Variants in GRB10 observed in about 807,000 individuals in gnomAD.
The protein encoded by GRB10 is growth factor receptor bound protein 10, also known as growth factor receptor-bound protein 10.
A neutral mutation model predicts 80.9 loss-of-function variants in GRB10; 20 were observed. The observed-to-expected ratio is 0.25, with a 90% CI of 0.17 to 0.36. The LOEUF (loss-of-function observed/expected upper bound fraction) is 0.36. GRB10 is among the 10% of genes least tolerant of loss of function. The pLI is 1.00. For missense variants in GRB10, 548 were observed against 747.7 expected, an observed-to-expected ratio of 0.73 and a Z score of 3.12; for synonymous variants, 291 against 291.5, an observed-to-expected ratio of 1.00 and a Z score of 0.02.
intron 6 of GRB10, among the ~76,000 whole-genome samples, chr7:50,672,041 G>A (rs73116829): frequency 0.075 from 11,362 of 152,268 alleles, 694 homozygotes; most frequent in South Asian, 0.12. Context: ...GAACACATGC[G>A]TGGCCCTTGC....
intron 2 of GRB10, chr7:50,779,586 A>C (rs1440595275): frequency 2.6e-5 from 4 of 152,172 alleles, no homozygotes; most frequent in Non-Finnish European, 5.9e-5. Context: ...CTGGCTCCTC[A>C]AACACCTGTT....
intron 7 of GRB10, among the ~76,000 whole-genome samples, chr7:50,636,689 G>A (rs2055100011): frequency 6.6e-6 from 1 of 151,830 alleles, no homozygotes; most frequent in Admixed American, 6.6e-5. Context: ...ACCCCTTCAT[G>A]AAAAAAACCC....
At chr7:50,687,786 T>C (rs1171694101) in intron 5 of GRB10, among the ~76,000 whole-genome samples, 2 of 152,174 alleles carry the variant, frequency 1.3e-5, no homozygotes, top group Non-Finnish European at 2.9e-5. Context: ...AGTTGGTGCT[T>C]GGTGGGATGC....
intron 4 of GRB10, among the ~76,000 whole-genome samples, chr7:50,713,223 A>T (rs1295761101): frequency 6.6e-6 from 1 of 152,164 alleles, no homozygotes; most frequent in Admixed American, 6.5e-5. Flanking sequence ...AGCACGGCTC[A>T]GTAAATCTCA....
At chr7:50,672,227 G>A (rs950573294) in intron 6 of GRB10, among the ~76,000 whole-genome samples, 6 of 152,154 alleles carry the variant, frequency 3.9e-5, no homozygotes, top group Non-Finnish European at 8.8e-5. Context: ...CGTGGACCAT[G>A]CTCCGTGACC....
chr7:50,605,299 G>A lies in GRB10; in HGVS notation c.1380C>T (p.His460=), dbSNP rs769317321. ...EAQSAALEEG[H]AWRKRSTRMN... ...AGGGCCGGGGCCTTACCCTCCAGGCGTGGCCCTCCTCCAGGGCTGCGCTCT... is the reference window on the plus strand; with the variant it reads ...AGGGCCGGGGCCTTACCCTCCAGGCATGGCCCTCCTCCAGGGCTGCGCTCT... The change falls in exon 15 of 19, where the codon CAC becomes CAT. Residue 460 remains histidine (H), a synonymous_variant. Coordinates refer to ENST00000401949, the MANE Select transcript of GRB10 (RefSeq NM_001350814.2). 1.2e-5 allele frequency: 19 copies of A among 1,612,114 alleles called. No individual in the cohort carries two copies. The highest frequency in any genetic ancestry group is 5.5e-5 in the South Asian group (5 of 91,068).
intron 5 of GRB10, among the ~76,000 whole-genome samples, chr7:50,675,833 G>A (rs73116898): frequency 0.096 from 14,607 of 152,162 alleles, 895 homozygotes; most frequent in South Asian, 0.12. Context: ...GGGGTGGGAC[G>A]GGGAAAGGGA....
At chr7:50,729,354 C>T (rs138570026) in intron 4 of GRB10, 13 of 152,294 alleles carry the variant, frequency 8.5e-5, no homozygotes, top group Admixed American at 2.0e-4. Flanking sequence ...ACATTGTGTA[C>T]GGAAGTTTGT....
At chr7:50,666,630 C>G (rs531499165) in intron 7 of GRB10, among the ~76,000 whole-genome samples, 2 of 152,184 alleles carry the variant, frequency 1.3e-5, no homozygotes, top group Non-Finnish European at 2.9e-5. Context: ...GCTCAGCATG[C>G]TGTGAGGAGC....
At chr7:50,600,010 G>C (rs2047327132) in intron 17 of GRB10, among the ~76,000 whole-genome samples, 1 of 152,154 alleles carries the variant, frequency 6.6e-6, no homozygotes, top group Non-Finnish European at 1.5e-5. Flanking sequence ...CCTTGGGGAG[G>C]ACACTTAGTG....
intron 13 of GRB10, 43 bp from the exon 14 acceptor site, chr7:50,606,457 C>T (rs372429316): frequency 1.4e-5 from 21 of 1,449,750 alleles, no homozygotes; most frequent in Admixed American, 8.4e-5. Flanking sequence ...CCGGGAGCCC[C>T]GAGGCCCGGC....
chr7:50,790,535 G>A (rs2078867788), intron 1 of GRB10, among the ~76,000 whole-genome samples: 1 of 152,344 alleles, frequency 6.6e-6, no homozygotes, highest in African/African-American at 2.4e-5. Context: ...ACAGACGCGG[G>A]GATTACGGAG....
chr7:50,599,276 G>A (rs758373782), intron 17 of GRB10, among the ~76,000 whole-genome samples: 4 of 152,166 alleles, frequency 2.6e-5, no homozygotes, highest in Non-Finnish European at 4.4e-5. Context: ...TGCATACACC[G>A]TTTGAGAATA....
intron 13 of GRB10, among the ~76,000 whole-genome samples, chr7:50,611,580 T>C (rs1010383270): frequency 6.6e-6 from 1 of 152,158 alleles, no homozygotes; most frequent in Non-Finnish European, 1.5e-5. Context: ...GGCCCCAGCA[T>C]CCTATAAAAA....
rs187774283 is a variant in GRB10, at chr7:50,734,679, C to A, written c.-46-2311G>T. On this transcript the variant is annotated intron_variant, in intron 3 of 18. Transcript: ENST00000401949. ...TATGCCAATTTTATTACCTAAATATCACCTTTGAAAGTATTTGCCAAAGGA... is the reference window on the plus strand; with the variant it reads ...TATGCCAATTTTATTACCTAAATATAACCTTTGAAAGTATTTGCCAAAGGA... Among the ~76,000 whole-genome samples, 224 of 152,332 alleles carry A rather than the reference C, an allele frequency of 1.5e-3. 1 individual carries two copies. Among genetic ancestry groups the A allele is most frequent in the Non-Finnish European group, 2.4e-3 (160 of 68,032 alleles).
chr7:50,746,985 T>C (rs2073041726), intron 3 of GRB10, among the ~76,000 whole-genome samples: 1 of 152,226 alleles, frequency 6.6e-6, no homozygotes, highest in Admixed American at 6.5e-5. Context: ...TGTCCTCCTC[T>C]AGCTCTAGCC....
At chr7:50,730,292 G>A (rs899195425) in intron 4 of GRB10, among the ~76,000 whole-genome samples, 1 of 152,154 alleles carries the variant, frequency 6.6e-6, no homozygotes, top group African/African-American at 2.4e-5. Flanking sequence ...AGTGACTCAC[G>A]GACTGAACCA....
chr7:50,628,178 C>T (rs1450736254), intron 7 of GRB10, among the ~76,000 whole-genome samples: 3 of 152,238 alleles, frequency 2.0e-5, no homozygotes, highest in Non-Finnish European at 2.9e-5. Flanking sequence ...GGCTGAAACA[C>T]GTGCGTTCTC....
At position 50,709,642 on chromosome 7, in the gene GRB10, T is replaced by C. The variant is rs1260029728; in HGVS notation, c.52-5734A>G. Among the ~76,000 whole-genome samples the C allele has an allele frequency of 2.9e-5, 4 of 137,658 alleles. No individual in the cohort carries two copies. In the East Asian group the frequency reaches 6.5e-4, roughly 22 times the overall value. The allele number at this position is 137,658 out of a possible 152,430, so 90.3% of individuals were successfully genotyped here. A position where few individuals can be genotyped will look rare whatever the true frequency, so the allele number is the denominator to read the frequency against. ...CGAGACCCTGGCTAACAGAGGCAGGTGGCTTAACTTCCCTCACTCTGTGGA... is the reference window on the plus strand; with the variant it reads ...CGAGACCCTGGCTAACAGAGGCAGGCGGCTTAACTTCCCTCACTCTGTGGA... On this transcript the variant is annotated intron_variant, in intron 4 of 18. Coordinates refer to ENST00000401949, the MANE Select transcript of GRB10 (RefSeq NM_001350814.2).
Sources: allele counts gnomAD v4.1 joint callset (sites outside exome capture counted in the v4.1 genomes callset), GRCh38; gene constraint gnomAD v4.1.1; transcripts MANE v1.5; gene names NCBI Gene and HGNC (gene_info 2026-07-23, HGNC 2026-07-21).